Variants in SH3RF3 observed in about 807,000 individuals in gnomAD.
The protein encoded by SH3RF3 is SH3 domain containing ring finger 3.
In SH3RF3, 29 loss-of-function variants were observed where a neutral mutation model predicts 66.3. The ratio of observed to expected loss-of-function variants is 0.44; its 90% CI spans 0.33 to 0.60. SH3RF3 has a LOEUF of 0.60. SH3RF3 is among the 20% of genes least tolerant of loss of function. The pLI, the probability that SH3RF3 is intolerant of heterozygous loss-of-function variation, is 0.04. For missense variants in SH3RF3, 1,194 were observed against 1,190.9 expected (o/e 1.00, Z -0.04); for synonymous variants, 583 against 532.0 (o/e 1.10, Z -1.32).
At chr2:109,410,798 G>A (rs1676568163) in intron 4 of SH3RF3, among the ~76,000 whole-genome samples, 1 of 152,232 alleles carries the variant, frequency 6.6e-6, no homozygotes, top group Non-Finnish European at 1.5e-5. Flanking sequence ...TGGGCTGCTA[G>A]GCGCGACTTC....
chr2:109,349,268 G>A (rs1243031556), intron 2 of SH3RF3, among the ~76,000 whole-genome samples: 1 of 152,112 alleles, frequency 6.6e-6, no homozygotes, highest in Admixed American at 6.5e-5. Context: ...TTGTTCTATT[G>A]TTCAGCCTGA....
intron 1 of SH3RF3, among the ~76,000 whole-genome samples, chr2:109,199,582 T>TCAACC (rs1558953881): frequency 0.013 from 6 of 470 alleles, no homozygotes; most frequent in Non-Finnish European, 0.025. Context: ...TGGAATGGAA[T>TCAACC]GGAATGGAAT....
At chr2:109,306,029 C>T (rs569194451) in intron 1 of SH3RF3, among the ~76,000 whole-genome samples, 1 of 152,194 alleles carries the variant, frequency 6.6e-6, no homozygotes, top group Non-Finnish European at 1.5e-5. Flanking sequence ...AGGAGTGATT[C>T]GCTGCCTTCT....
intron 1 of SH3RF3, among the ~76,000 whole-genome samples, chr2:109,164,980 C>T (rs1439835976): frequency 2.0e-5 from 3 of 152,182 alleles, no homozygotes; most frequent in Admixed American, 2.0e-4. Flanking sequence ...TTTAAAGCCT[C>T]TTCTTAGTCA....
intron 1 of SH3RF3, among the ~76,000 whole-genome samples, chr2:109,212,971 C>T (rs1033383513): frequency 2.6e-5 from 4 of 152,184 alleles, no homozygotes; most frequent in African/African-American, 9.6e-5. Context: ...ATGCTGCCCA[C>T]ACATCCCAGG....
chr2:109,204,821 T>C (rs1188157506), intron 1 of SH3RF3, among the ~76,000 whole-genome samples: 2 of 152,248 alleles, frequency 1.3e-5, no homozygotes, highest in African/African-American at 4.8e-5. Context: ...ACTTGTTTCT[T>C]GATTCCCTGT....
At position 109,182,372 on chromosome 2, in the gene SH3RF3, G is replaced by A. The variant is rs78991446; in HGVS notation, c.573+52259G>A. Among the ~76,000 whole-genome samples, 33 of 152,284 alleles carry A rather than the reference G, an allele frequency of 2.2e-4. 2 individuals are homozygous for A. The East Asian group carries it at 6.4e-3, about 29-fold the overall frequency. ...ACAATGGCATTAACCCACTTAGGAA[G>A]GTGAAGCCCTCATGACCTAATCACC... On this transcript the variant is annotated intron_variant, in intron 1 of 9. Transcript: ENST00000309415.
chr2:109,254,357 T>C (rs1213340659), intron 1 of SH3RF3, among the ~76,000 whole-genome samples: 8 of 152,172 alleles, frequency 5.3e-5, no homozygotes, highest in Non-Finnish European at 1.2e-4. Context: ...CAAGTTGGCC[T>C]CTCTGTGCCT....
At chr2:109,247,345 C>A (rs868003683) in intron 1 of SH3RF3, among the ~76,000 whole-genome samples, 1 of 152,200 alleles carries the variant, frequency 6.6e-6, no homozygotes, top group Non-Finnish European at 1.5e-5. Flanking sequence ...CCTCCCTGAA[C>A]TTCGTTAGTT....
At position 109,452,187 on chromosome 2, in the gene SH3RF3, T is replaced by C. The variant is rs541209642; in HGVS notation, c.2148+2698T>C. Among the ~76,000 whole-genome samples, 78 of 152,336 alleles carry C rather than the reference T, an allele frequency of 5.1e-4. No individual in the cohort carries two copies. The South Asian group carries it at 0.015, about 30-fold the overall frequency. On this transcript the variant is annotated intron_variant, in intron 8 of 9. Transcript: ENST00000309415. ...AGAAATGATGGTCATTTTAGTCCAC[T>C]GCTCAGAAGCAAGTGAGCCAGTGTG...
chr2:109,386,282 A>G (rs988337093), intron 3 of SH3RF3, among the ~76,000 whole-genome samples: 16 of 152,200 alleles, frequency 1.1e-4, no homozygotes, highest in African/African-American at 2.9e-4. Context: ...TATCCGTTAG[A>G]GACGCATATG....
chr2:109,449,180 T>C lies in SH3RF3; in HGVS notation c.1839T>C (p.Ser613=). ...CAACCCCGTCTCCAGCTGCCCACTC[T>C]GCAGCCCAGGCTCAGGACCGGCCAA... The part of the protein sequence containing the change: ...ARSTISTAAH[S]AAQAQDRPTA... Residue 613 remains serine, a synonymous_variant, in exon 8 of 10, where the codon TCT becomes TCC. Coordinates refer to ENST00000309415, the MANE Select transcript of SH3RF3 (RefSeq NM_001099289.3). 6.2e-7 allele frequency: 1 copy of C among 1,613,564 alleles called. No individual in the cohort carries two copies. Among genetic ancestry groups the C allele is most frequent in the Non-Finnish European group, 8.5e-7 (1 of 1,179,780 alleles).
At chr2:109,213,843 C>T (rs1244009180) in intron 1 of SH3RF3, among the ~76,000 whole-genome samples, 1 of 152,126 alleles carries the variant, frequency 6.6e-6, no homozygotes, top group Non-Finnish European at 1.5e-5. Flanking sequence ...GGGTTACAGC[C>T]CGTGGGTCGT....
At chr2:109,348,122 G>A (rs927493129) in intron 2 of SH3RF3, among the ~76,000 whole-genome samples, 173 bp downstream of exon 2, 5 of 152,152 alleles carry the variant, frequency 3.3e-5, no homozygotes, top group Non-Finnish European at 5.9e-5. Flanking sequence ...TCCATGAATG[G>A]GGTGATGGTT....
intron 1 of SH3RF3, among the ~76,000 whole-genome samples, chr2:109,200,936 A>C (rs1004314901): frequency 6.6e-6 from 1 of 152,016 alleles, no homozygotes; most frequent in African/African-American, 2.4e-5. Flanking sequence ...GATAGTGCAG[A>C]CCTCGCAGTG....
chr2:109,423,890 C>G (rs1242985221), intron 5 of SH3RF3, among the ~76,000 whole-genome samples: 1 of 152,176 alleles, frequency 6.6e-6, no homozygotes. Flanking sequence ...ACAGCTGGGA[C>G]CCCAAGCAGG....
At chr2:109,231,967 G>T (rs1679524138) in intron 1 of SH3RF3, among the ~76,000 whole-genome samples, 2 of 152,208 alleles carry the variant, frequency 1.3e-5, no homozygotes, top group Admixed American at 1.3e-4. Context: ...ACAATACATT[G>T]TAGAATATTT....
intron 5 of SH3RF3, among the ~76,000 whole-genome samples, chr2:109,426,014 C>T (rs1677019681): frequency 6.6e-6 from 1 of 152,214 alleles, no homozygotes; most frequent in Non-Finnish European, 1.5e-5. Flanking sequence ...TCTCCTGCCT[C>T]AGCCTTCCCG....
In SH3RF3 at chr2:109,129,615, C is replaced by A; in HGVS notation, c.75C>A (p.Asp25Glu). The A allele has an allele frequency of 1.3e-6, 2 of 1,485,546 alleles. No individual in the cohort carries two copies. The highest frequency in any genetic ancestry group is 1.8e-6 in the Non-Finnish European group (2 of 1,126,290). The allele number at this position is 1,485,546 out of a possible 1,614,324, so 92.0% of individuals were successfully genotyped here. ...AAAAQSEGDE[D>E]RPGERRRRRA... The stretch of plus-strand genomic sequence containing the variant: ...CTGCGCAGAGCGAGGGCGACGAGGA[C>A]AGGCCAGGCGAGCGACGGCGGCGTC... The change falls in exon 1 of 10, where the codon GAC (aspartate) becomes GAA (glutamate). Residue 25 changes from aspartate to glutamate, a missense_variant. Asp to Glu is a conservative substitution (Grantham distance 45). Coordinates refer to ENST00000309415, the MANE Select transcript of SH3RF3 (RefSeq NM_001099289.3).
Sources: allele counts gnomAD v4.1 joint callset (sites outside exome capture counted in the v4.1 genomes callset), GRCh38; gene constraint gnomAD v4.1.1; transcripts MANE v1.5; gene names NCBI Gene and HGNC (gene_info 2026-07-23, HGNC 2026-07-21).